UPF1: variants seen among roughly 807,000 people sequenced by gnomAD.
The protein encoded by UPF1 is UPF1 RNA helicase and ATPase, also known as regulator of nonsense transcripts 1.
A neutral mutation model predicts 129.2 loss-of-function variants in UPF1; 9 were observed. That is an observed-to-expected ratio of 0.07 (90% confidence interval 0.04 to 0.12). UPF1 has a LOEUF of 0.12. Among genes scored for constraint, UPF1 ranks in the 10% least tolerant of loss-of-function variants. The probability of loss-of-function intolerance (pLI) is 1.00; values close to 1 mark genes in which losing one functional copy is unlikely to be tolerated. For synonymous variants in UPF1, 649 were observed against 644.9 expected (o/e 1.01, Z -0.10); for missense variants, 788 against 1,525.3 (o/e 0.52, Z 8.05).
At chr19:18,852,621 A>G (rs1013229622) in intron 6 of UPF1, among the ~76,000 whole-genome samples, 5 of 151,540 alleles carry the variant, frequency 3.3e-5, no homozygotes, top group African/African-American at 1.2e-4. Context: ...GGAGCCCTGG[A>G]GCGCTGACCT....
rs952173857 is a variant in UPF1 at position 18,851,972 on chromosome 19, TCTC to T, written c.811-160_811-158del. Among the ~76,000 whole-genome samples the T allele has an allele frequency of 6.6e-6, 1 of 152,178 alleles. No homozygotes were observed. Among genetic ancestry groups the T allele is most frequent in the Admixed American group, 6.5e-5 (1 of 15,282 alleles). On this transcript the variant is annotated intron_variant, in intron 5 of 23. Transcript: ENST00000262803. The surrounding 1 kb of genome is among the most constrained non-coding windows in gnomAD (Gnocchi z 4.2). The stretch of plus-strand genomic sequence containing the variant: ...GGCATGGAGTTCCCGTTCCCAGGGT[TCTC>T]CTTGCAGGTGGGGCTGCGCCAGAAC...
At chr19:18,849,602 C>T (rs2055636518) in intron 3 of UPF1, among the ~76,000 whole-genome samples, 3 of 152,134 alleles carry the variant, frequency 2.0e-5, no homozygotes, top group South Asian at 4.1e-4. Flanking sequence ...TCAGATTTCC[C>T]GGCCTGCAGC....
In UPF1 at chr19:18,862,027, T is replaced by C. The variant is rs2055785997; in HGVS notation, c.2475T>C (p.Ser825=). The C allele has an allele frequency of 6.2e-7, 1 of 1,611,272 alleles. No homozygotes were observed. Among genetic ancestry groups the C allele is most frequent in the Admixed American group, 1.7e-5 (1 of 59,846 alleles). Residue 825 remains serine (S), a synonymous_variant, in exon 18 of 24, where the codon AGT becomes AGC. Transcript: ENST00000262803. ...CCTTCCAGGAGGTGGAGATCGCCAG[T>C]GTGGACGCCTTTCAGGGACGCGAGA... ...TKLYQEVEIA[S]VDAFQGREKD... is the part of the protein sequence containing the mutation.
At position 18,846,791 on chromosome 19, in the gene UPF1, C is replaced by A. The variant is rs538153800; in HGVS notation, c.371+672C>A. On this transcript the variant is annotated intron_variant, in intron 2 of 23. Coordinates refer to ENST00000262803, the MANE Select transcript of UPF1 (RefSeq NM_002911.4). ...AGATCACGAGGTCAGGAGATCGAGA[C>A]CATCCTGGCTAACACGGTGAAACCC... 9.9e-5 allele frequency among the ~76,000 whole-genome samples: 15 copies of A among 152,222 alleles called. No homozygotes were observed. The South Asian group carries it at 2.3e-3, about 23-fold the overall frequency.
intron 3 of UPF1, 98 bp downstream of exon 3, chr19:18,847,931 C>CGCTTT: frequency 7.4e-7 from 1 of 1,345,262 alleles, no homozygotes; most frequent in Non-Finnish European, 1.0e-6. Flanking sequence ...TATAAAATCA[C>CGCTTT]GCTAACAAAC....
chr19:18,850,335 A>G lies in UPF1; in HGVS notation c.629+93A>G, dbSNP rs2055644790. 3 of 1,471,680 alleles carry G rather than the reference A, an allele frequency of 2.0e-6. No homozygotes were observed. Among genetic ancestry groups the G allele is most frequent in the African/African-American group, 1.4e-5 (1 of 70,360 alleles). The allele number at this position is 1,471,680 out of a possible 1,614,324, so 91.2% of individuals were successfully genotyped here. A position where few individuals can be genotyped will look rare whatever the true frequency, so the allele number is the denominator to read the frequency against. On this transcript the variant is annotated intron_variant, in intron 4 of 23. Coordinates refer to ENST00000262803, the MANE Select transcript of UPF1 (RefSeq NM_002911.4). The surrounding 1 kb of genome is among the most constrained non-coding windows in gnomAD (Gnocchi z 7.1). ...CCCAGCCCAGCCCAGCCGTGGCTCT[A>G]ACTCCAGGGAGTTGTCCTCCAAAGA... is the stretch of plus-strand genomic sequence containing the variant.
At chr19:18,856,334 G>A (rs1260279439) in intron 13 of UPF1, 34 bp downstream of exon 13, 2 of 1,561,708 alleles carry the variant, frequency 1.3e-6, no homozygotes, top group South Asian at 1.1e-5. Context: ...AAGGGCCTGT[G>A]GGCTGGCGGC....
chr19:18,868,173 ATTTTCGGTCAATTTAAG>A lies in UPF1; in HGVS notation c.*1659_*1675del. 4.3e-6 allele frequency: 1 copy of A among 233,220 alleles called. No individual in the cohort carries two copies. Among genetic ancestry groups the A allele is most frequent in the African/African-American group, 2.2e-5 (1 of 44,512 alleles). 14.4% of individuals were successfully genotyped at this position (233,220 alleles called of 1,614,324 possible). A position where few individuals can be genotyped will look rare whatever the true frequency, so the allele number is the denominator to read the frequency against. On this transcript the variant is annotated 3_prime_UTR_variant, in exon 24 of 24. Transcript: ENST00000262803. ...CTGTACCAAGGCAATGTAACTTTTG[ATTTTCGGTCAATTTAAG>A]TTCTTTTGTCACCAAATATTAATAA...
At chr19:18,862,255 G>A (rs2055788558) in intron 18 of UPF1, 103 bp downstream of exon 18, 1 of 1,499,782 alleles carries the variant, frequency 6.7e-7, no homozygotes, top group South Asian at 1.3e-5. Context: ...GAGGTCAGAG[G>A]ACTCTGAGCA....
At position 18,856,054 on chromosome 19, in the gene UPF1, T is replaced by G; in HGVS notation, c.1674T>G (p.Phe558Leu). ...SREAIDSPVS[F>L]LALHNQIRNM... ...AGGCCATCGACTCCCCGGTGTCTTT[T>G]CTGGCCCTGCACAACCAGATCAGGA... The change falls in exon 12 of 24, where the codon TTT becomes TTG. Residue 558 changes from phenylalanine to leucine, a missense_variant. Coordinates refer to ENST00000262803, the MANE Select transcript of UPF1 (RefSeq NM_002911.4). 1 of 1,614,118 alleles carries G rather than the reference T, an allele frequency of 6.2e-7. No homozygotes were observed. Among genetic ancestry groups the G allele is most frequent in the Non-Finnish European group, 8.5e-7 (1 of 1,180,038 alleles).
intron 15 of UPF1, 76 bp downstream of exon 15, chr19:18,857,609 C>T: frequency 6.9e-7 from 1 of 1,450,826 alleles, no homozygotes; most frequent in Non-Finnish European, 9.2e-7. Flanking sequence ...GGAGAAGGAA[C>T]TGGCCCATCA....
At chr19:18,861,105 C>T in intron 17 of UPF1, 123 bp downstream of exon 17, 1 of 1,324,852 alleles carries the variant, frequency 7.5e-7, no homozygotes, top group Non-Finnish European at 1.0e-6. Context: ...CCAGGAAGCA[C>T]CAGCTGGCCC....
intron 13 of UPF1, 40 bp downstream of exon 13, chr19:18,856,340 G>C: frequency 6.4e-7 from 1 of 1,555,034 alleles, no homozygotes. Context: ...CTGTGGGCTG[G>C]CGGCCTGATG....
intron 15 of UPF1, among the ~76,000 whole-genome samples, chr19:18,858,227 C>T (rs929498482): frequency 1.3e-5 from 2 of 152,206 alleles, no homozygotes; most frequent in Admixed American, 6.5e-5. Flanking sequence ...CAAAAATGAT[C>T]GAACCTGTCG....
In UPF1 at chr19:18,856,218, A is replaced by G; in HGVS notation, c.1742A>G (p.Lys581Arg). The change falls in exon 13 of 24, where the codon AAA becomes AGA. Residue 581 changes from lysine (K) to arginine (R), a missense_variant. Lys to Arg is a conservative substitution (Grantham distance 26). Coordinates refer to ENST00000262803, the MANE Select transcript of UPF1 (RefSeq NM_002911.4). ...MPELQKLQQL[K>R]DETGELSSAD... The stretch of plus-strand genomic sequence containing the variant: ...GAGCTGCAGAAGCTGCAGCAGCTGA[A>G]AGACGAGACTGGGGAGCTGTCGTCT... The G allele has an allele frequency of 6.2e-7, 1 of 1,610,896 alleles. No homozygotes were observed. The highest frequency in any genetic ancestry group is 8.5e-7 in the Non-Finnish European group (1 of 1,177,538).
intron 17 of UPF1, among the ~76,000 whole-genome samples, chr19:18,861,382 G>C (rs972469644): frequency 5.9e-5 from 9 of 152,214 alleles, no homozygotes; most frequent in African/African-American, 2.2e-4. Flanking sequence ...GCGGGTGTGT[G>C]GGGAGGAGGC....
chr19:18,865,139 TA>T lies in UPF1; in HGVS notation c.2858-148del. ...CCAGCCCCAGGCAGGCTGCTGTAGT[TA>T]ACATGGAGTCCTGCGAATCCGCATC... On this transcript the variant is annotated intron_variant, in intron 20 of 23. Transcript: ENST00000262803. This position sits in a 1 kb window ranked among gnomAD's most constrained non-coding sequence, Gnocchi z 6.1. 1 of 1,015,880 alleles carries T rather than the reference TA, an allele frequency of 9.8e-7. No individual in the cohort carries two copies. The highest frequency in any genetic ancestry group is 1.4e-6 in the Non-Finnish European group (1 of 710,884). 62.9% of individuals were successfully genotyped at this position (1,015,880 alleles called of 1,614,324 possible). A position where few individuals can be genotyped will look rare whatever the true frequency, so the allele number is the denominator to read the frequency against.
At position 18,854,597 on chromosome 19, in the gene UPF1, A is replaced by G. The variant is rs565513907; in HGVS notation, c.1157-4A>G. The stretch of plus-strand genomic sequence containing the variant: ...CAAGGATGCAAACTTAACTCAGCAC[A>G]CAGATTATGGCGATGAGATCGCCAT... On this transcript the variant is annotated splice_region_variant and splice_polypyrimidine_tract_variant and intron_variant, in intron 8 of 23. Coordinates refer to ENST00000262803, the MANE Select transcript of UPF1 (RefSeq NM_002911.4). The G allele has an allele frequency of 5.6e-6, 9 of 1,605,000 alleles. No individual in the cohort carries two copies. The Admixed American group carries it at 1.2e-4, about 21-fold the overall frequency.
At chr19:18,840,863 C>T (rs898103028) in intron 1 of UPF1, among the ~76,000 whole-genome samples, 5 of 152,334 alleles carry the variant, frequency 3.3e-5, no homozygotes, top group South Asian at 2.1e-4. Context: ...GTAACCCAGC[C>T]GGGCTTCTCA....
Sources: allele counts gnomAD v4.1 joint callset (sites outside exome capture counted in the v4.1 genomes callset), GRCh38; gene constraint gnomAD v4.1.1; non-coding constraint Gnocchi (gnomAD v3.1); transcripts MANE v1.5; gene names NCBI Gene and HGNC (gene_info 2026-07-23, HGNC 2026-07-21).